Variants in ANXA3 observed in about 807,000 individuals in gnomAD.
The protein encoded by ANXA3 is annexin A3.
Under a neutral mutation model 48.8 loss-of-function variants are expected in ANXA3, and 46 were observed. The observed-to-expected ratio is 0.94, with a 90% CI of 0.74 to 1.21. The LOEUF is 1.21. Ranked by LOEUF, ANXA3 falls within the 50% of genes most tolerant of loss-of-function variation. The pLI is 0.00. For synonymous variants in ANXA3, 128 were observed against 134.7 expected, an observed-to-expected ratio of 0.95 and a Z score of 0.35; for missense variants, 383 against 378.6, an observed-to-expected ratio of 1.01 and a Z score of -0.10.
intron 10 of ANXA3, among the ~76,000 whole-genome samples, chr4:78,598,715 T>A (rs1245536104): frequency 1.3e-5 from 2 of 151,888 alleles, no homozygotes; most frequent in Non-Finnish European, 2.9e-5. Context: ...AACGTTTGTA[T>A]TTTTAGTAGA....
chr4:78,554,695 A>G (rs1168087715), intron 2 of ANXA3, among the ~76,000 whole-genome samples: 2 of 152,242 alleles, frequency 1.3e-5, no homozygotes, highest in Non-Finnish European at 2.9e-5. Context: ...ACTTATGATG[A>G]CACCAAGGCG....
intron 7 of ANXA3, 140 bp downstream of exon 7, chr4:78,591,763 C>T (rs1723301710): frequency 3.2e-6 from 2 of 617,550 alleles, no homozygotes; most frequent in South Asian, 4.2e-5. Context: ...TTTACATTTT[C>T]ATTGCCACCA....
intron 6 of ANXA3, 83 bp from the exon 7 acceptor site, chr4:78,591,461 G>A (rs1270372729): frequency 1.1e-6 from 1 of 876,990 alleles, no homozygotes; most frequent in East Asian, 2.4e-5. Context: ...TTCTTTGCTA[G>A]TGTTGGCATT....
At chr4:78,610,013 T>A (rs762378466) in intron 12 of ANXA3, 43 bp from the exon 13 acceptor site, 1 of 1,467,678 alleles carries the variant, frequency 6.8e-7, no homozygotes, top group Non-Finnish European at 9.5e-7. Context: ...GGTCTCCCAT[T>A]ATTTATACTG....
intron 6 of ANXA3, 70 bp downstream of exon 6, chr4:78,586,420 C>A: frequency 8.8e-7 from 1 of 1,133,732 alleles, no homozygotes; most frequent in Non-Finnish European, 1.3e-6. Context: ...TTCCTAGAAT[C>A]CTCTCAATCT....
At chr4:78,578,983 T>A in intron 3 of ANXA3, 44 bp from the exon 4 acceptor site, 1 of 1,341,402 alleles carries the variant, frequency 7.5e-7, no homozygotes, top group East Asian at 2.4e-5. Context: ...TCAAGACAAA[T>A]GTTGAGCATA....
intron 6 of ANXA3, among the ~76,000 whole-genome samples, chr4:78,589,731 C>A (rs927878213): frequency 6.6e-6 from 1 of 152,126 alleles, no homozygotes; most frequent in Non-Finnish European, 1.5e-5. Context: ...CTGTGTCACT[C>A]GCTCCCTAAG....
At position 78,586,243 on chromosome 4, in the gene ANXA3, T is replaced by G; in HGVS notation, c.313-17T>G. ...TATTTAAGTGTTCTAAAAATTAGATTTTCTTTTCCTTTTTAGGGCGCGGGA... is the reference window on the plus strand; with the variant it reads ...TATTTAAGTGTTCTAAAAATTAGATGTTCTTTTCCTTTTTAGGGCGCGGGA... On this transcript the variant is annotated splice_polypyrimidine_tract_variant and intron_variant, in intron 5 of 12. Transcript: ENST00000264908. 6.2e-7 allele frequency: 1 copy of G among 1,605,642 alleles called. No individual in the cohort carries two copies. The highest frequency in any genetic ancestry group is 8.5e-7 in the Non-Finnish European group (1 of 1,174,152).
chr4:78,593,477 C>T (rs1050364312), intron 7 of ANXA3, among the ~76,000 whole-genome samples: 1 of 151,258 alleles, frequency 6.6e-6, no homozygotes, highest in Non-Finnish European at 1.5e-5. Flanking sequence ...GCTGGGATTA[C>T]AGGCGTGAGC....
rs1359229465 is a variant in ANXA3 at position 78,595,447 on chromosome 4, A to C, written c.540+10A>C. 1.2e-6 allele frequency: 2 copies of C among 1,612,834 alleles called. No homozygotes were observed. Among genetic ancestry groups the C allele is most frequent in the African/African-American group, 1.3e-5 (1 of 74,852 alleles). Reference sequence around the variant, plus strand: ...CAAACAAGATGCCCAGGTCAGTAACAAAGCGGGAAAACATTTCCTTTACCT... The same window carrying C: ...CAAACAAGATGCCCAGGTCAGTAACCAAGCGGGAAAACATTTCCTTTACCT... On this transcript the variant is annotated intron_variant, in intron 8 of 12. Coordinates refer to ENST00000264908, the MANE Select transcript of ANXA3 (RefSeq NM_005139.3).
At chr4:78,597,241 T>A in intron 9 of ANXA3, 78 bp from the exon 10 acceptor site, 1 of 896,444 alleles carries the variant, frequency 1.1e-6, no homozygotes, top group East Asian at 2.7e-5. Context: ...ATCTTCTGCA[T>A]ATCAAATAAA....
intron 10 of ANXA3, among the ~76,000 whole-genome samples, chr4:78,599,861 G>T (rs1723499985): frequency 6.6e-6 from 1 of 152,022 alleles, no homozygotes; most frequent in African/African-American, 2.4e-5. Flanking sequence ...GGAGGTCGAG[G>T]CTCCAGTGAG....
intron 10 of ANXA3, 21 bp from the exon 11 acceptor site, chr4:78,601,489 A>G (rs373941201): frequency 2.6e-5 from 42 of 1,612,176 alleles, no homozygotes; most frequent in Non-Finnish European, 3.4e-5. Flanking sequence ...GAAGCTGAAC[A>G]TTATTTGCTT....
chr4:78,605,123 T>C (rs1723621160), intron 12 of ANXA3, among the ~76,000 whole-genome samples: 1 of 152,220 alleles, frequency 6.6e-6, no homozygotes, highest in Admixed American at 6.5e-5. Context: ...TTCAAACTTT[T>C]AGGTTTTTAA....
chr4:78,584,081 T>C (rs990882853), intron 5 of ANXA3, among the ~76,000 whole-genome samples: 2 of 152,236 alleles, frequency 1.3e-5, no homozygotes, highest in Non-Finnish European at 2.9e-5. Flanking sequence ...TTATACATGA[T>C]GTTTCTTCCA....
intron 2 of ANXA3, among the ~76,000 whole-genome samples, chr4:78,565,604 G>A (rs1025977936): frequency 1.1e-4 from 17 of 152,170 alleles, no homozygotes; most frequent in African/African-American, 3.6e-4. Context: ...GCAAATTGGC[G>A]ATGAGCACAG....
At chr4:78,564,991 ATTT>A (rs55971305) in intron 2 of ANXA3, among the ~76,000 whole-genome samples, 3,862 of 118,268 alleles carry the variant, frequency 0.033, 166 homozygotes, top group African/African-American at 0.11. Flanking sequence ...TCTGACTTAG[ATTT>A]TTTTTTTTTT....
intron 9 of ANXA3, among the ~76,000 whole-genome samples, chr4:78,596,489 G>A (rs1475735056): frequency 6.6e-6 from 1 of 152,198 alleles, no homozygotes; most frequent in Non-Finnish European, 1.5e-5. Flanking sequence ...TTCTGACTGT[G>A]GCTTCCAGAT....
Position 78,610,086 on chromosome 4 carries a change from C to T in ANXA3, c.943C>T (p.Leu315Phe). 6.2e-7 allele frequency: 1 copy of T among 1,611,160 alleles called. No homozygotes were observed. Among genetic ancestry groups the T allele is most frequent in the Non-Finnish European group, 8.5e-7 (1 of 1,178,178 alleles). ...SDTSGDYEIT[L>F]LKICGGDD ...TACTTCTGGAGACTATGAAATCACA[C>T]TCTTAAAAATCTGTGGTGGAGATGA... Residue 315 changes from leucine to phenylalanine, a missense_variant, in exon 13 of 13, where the codon CTC (leucine) becomes TTC (phenylalanine). Physicochemically the swap from Leu to Phe is conservative, Grantham distance 22. Coordinates refer to ENST00000264908, the MANE Select transcript of ANXA3 (RefSeq NM_005139.3).
Sources: allele counts gnomAD v4.1 joint callset (sites outside exome capture counted in the v4.1 genomes callset), GRCh38; gene constraint gnomAD v4.1.1; transcripts MANE v1.5; gene names NCBI Gene and HGNC (gene_info 2026-07-23, HGNC 2026-07-21).